MSI2: variants seen among roughly 807,000 people sequenced by gnomAD.
MSI2 encodes the protein musashi RNA binding protein 2.
MSI2 carries 17 observed loss-of-function variants against 45.6 expected under a neutral mutation model. The ratio of observed to expected loss-of-function variants is 0.37; its 90% CI spans 0.26 to 0.56. The LOEUF (loss-of-function observed/expected upper bound fraction) is 0.56, where lower values mean the gene tolerates loss of function less well. MSI2 is among the 20% of genes least tolerant of loss of function. The probability of loss-of-function intolerance (pLI) is 0.77; values close to 1 mark genes in which losing one functional copy is unlikely to be tolerated. For missense variants in MSI2, 293 were observed against 444.2 expected, an observed-to-expected ratio of 0.66 and a Z score of 3.06; for synonymous variants, 156 against 158.2, an observed-to-expected ratio of 0.99 and a Z score of 0.11.
chr17:57,497,343 C>A (rs569033084), intron 6 of MSI2, among the ~76,000 whole-genome samples: 12 of 152,254 alleles, frequency 7.9e-5, no homozygotes, highest in African/African-American at 2.6e-4. Context: ...TGCACTGGTG[C>A]TTTTTGAAAA....
intron 6 of MSI2, among the ~76,000 whole-genome samples, chr17:57,439,548 A>G (rs1158017823): frequency 1.3e-5 from 2 of 149,906 alleles, no homozygotes; most frequent in African/African-American, 2.5e-5. Context: ...CACTGGGGAG[A>G]TAGGCTTTGT....
chr17:57,337,496 G>A (rs941239654), intron 5 of MSI2, among the ~76,000 whole-genome samples: 4 of 152,100 alleles, frequency 2.6e-5, no homozygotes, highest in Admixed American at 1.3e-4. Flanking sequence ...CTCAGAGGCT[G>A]GGCTCTCTCC....
At chr17:57,472,949 A>G (rs2085467821) in intron 6 of MSI2, among the ~76,000 whole-genome samples, 1 of 151,472 alleles carries the variant, frequency 6.6e-6, no homozygotes, top group Non-Finnish European at 1.5e-5. Context: ...CTGGAGTGCA[A>G]TGGTGTCATC....
intron 6 of MSI2, among the ~76,000 whole-genome samples, chr17:57,428,777 T>C (rs1426286156): frequency 6.6e-6 from 1 of 152,230 alleles, no homozygotes; most frequent in African/African-American, 2.4e-5. Context: ...AGCACAATTA[T>C]GAGGTCTCCT....
At chr17:57,314,137 A>G (rs1209206816) in intron 5 of MSI2, among the ~76,000 whole-genome samples, 2 of 152,128 alleles carry the variant, frequency 1.3e-5, no homozygotes, top group African/African-American at 4.8e-5. Flanking sequence ...CCCAGTGCCC[A>G]TATGCCATCC....
chr17:57,603,812 A>C (rs1906199100), intron 8 of MSI2, among the ~76,000 whole-genome samples: 1 of 152,360 alleles, frequency 6.6e-6, no homozygotes, highest in Non-Finnish European at 1.5e-5. Flanking sequence ...TGACTCCTGG[A>C]CTAAACTAAT....
chr17:57,453,439 C>A (rs1326271865), intron 6 of MSI2, among the ~76,000 whole-genome samples: 1 of 152,144 alleles, frequency 6.6e-6, no homozygotes, highest in South Asian at 2.1e-4. Flanking sequence ...GGCCTTATAA[C>A]CTGATGATTT....
At position 57,680,775 on chromosome 17, in the gene MSI2, G is replaced by GGGGGGGGGGGGGGGGGGGGGGCC. The variant is rs1913550214; in HGVS notation, c.*1258_*1259insGGGGGGGGGGGGGGGGGGGGGCC. The GGGGGGGGGGGGGGGGGGGGGGCC allele has an allele frequency of 6.5e-6, 1 of 152,792 alleles. No individual in the cohort carries two copies. The allele number at this position is 152,792 out of a possible 1,614,324, so 9.5% of individuals were successfully genotyped here. A position where few individuals can be genotyped will look rare whatever the true frequency, so the allele number is the denominator to read the frequency against. Reference sequence around the variant, plus strand: ...GCTTGGGTGGGGGTGGGGTGGGGGGGACATTCTTTTTCAGTCTTAATTTTT... The same window carrying GGGGGGGGGGGGGGGGGGGGGGCC: ...GCTTGGGTGGGGGTGGGGTGGGGGGGGGGGGGGGGGGGGGGGGGGGGCCACATTCTTTTTCAGTCTTAATTTTT... On this transcript the variant is annotated 3_prime_UTR_variant, in exon 14 of 14. Transcript: ENST00000284073.
chr17:57,288,230 G>A (rs573976493), intron 5 of MSI2, among the ~76,000 whole-genome samples: 5 of 152,322 alleles, frequency 3.3e-5, no homozygotes, highest in African/African-American at 7.2e-5. Context: ...TGTAGAGCAC[G>A]TAGCACAATT....
At chr17:57,695,908 C>T in the MSI2 span, among the ~76,000 whole-genome samples, 2 of 152,084 alleles carry the variant, frequency 1.3e-5, no homozygotes, top group Non-Finnish European at 2.9e-5. Context: ...CCTCACTGTG[C>T]GTGTGTGTGG....
chr17:57,332,100 ATTTT>A (rs138835359), intron 5 of MSI2, among the ~76,000 whole-genome samples: 1 of 136,422 alleles, frequency 7.3e-6, no homozygotes, highest in Non-Finnish European at 1.6e-5. Flanking sequence ...TCATGTTGCC[ATTTT>A]TTTTTTTTTT....
At chr17:57,584,231 C>G (rs1320362626) in intron 7 of MSI2, among the ~76,000 whole-genome samples, 1 of 152,224 alleles carries the variant, frequency 6.6e-6, no homozygotes, top group Non-Finnish European at 1.5e-5. Flanking sequence ...AATCCAGCTG[C>G]CTGGGCTGCT....
At chr17:57,457,827 T>C (rs1489571054) in intron 6 of MSI2, among the ~76,000 whole-genome samples, 1 of 152,190 alleles carries the variant, frequency 6.6e-6, no homozygotes, top group Non-Finnish European at 1.5e-5. Context: ...GAGGATCACT[T>C]GAGTCCAGGA....
At chr17:57,696,566 C>T in the MSI2 span, among the ~76,000 whole-genome samples, 1 of 152,022 alleles carries the variant, frequency 6.6e-6, no homozygotes, top group African/African-American at 2.4e-5. Context: ...AGACCCCTAT[C>T]TCTACAAAAA....
rs149903208 is a variant in MSI2 at position 57,417,723 on chromosome 17, A to G, written c.405+16252A>G. On this transcript the variant is annotated intron_variant, in intron 6 of 13. Coordinates refer to ENST00000284073, the MANE Select transcript of MSI2 (RefSeq NM_138962.4). Reference sequence around the variant, plus strand: ...TGATTAACCTGGGATCTGCTCATGAAGGGATTTGGCCGCCCAAGGAAATGG... The same window carrying G: ...TGATTAACCTGGGATCTGCTCATGAGGGGATTTGGCCGCCCAAGGAAATGG... 3.0e-3 allele frequency among the ~76,000 whole-genome samples: 462 copies of G among 152,290 alleles called. 1 individual carries two copies. Among genetic ancestry groups the G allele is most frequent in the African/African-American group, 0.011 (444 of 41,544 alleles).
chr17:57,403,736 G>T (rs1046095947), intron 6 of MSI2, among the ~76,000 whole-genome samples: 1 of 152,088 alleles, frequency 6.6e-6, no homozygotes, highest in Non-Finnish European at 1.5e-5. Flanking sequence ...CCTTGGGCAG[G>T]ACTCACCACC....
At chr17:57,697,664 A>T in the MSI2 span, among the ~76,000 whole-genome samples, 2 of 152,196 alleles carry the variant, frequency 1.3e-5, no homozygotes, top group South Asian at 2.1e-4. Flanking sequence ...GAGGCCTCAC[A>T]ATCATGGTAG....
chr17:57,359,498 G>A (rs1916678227), intron 5 of MSI2, among the ~76,000 whole-genome samples: 2 of 152,170 alleles, frequency 1.3e-5, no homozygotes, highest in South Asian at 4.1e-4. Context: ...TAAAATGGAT[G>A]TCCCAGTACT....
chr17:57,517,450 CT>C (rs1750315649), intron 6 of MSI2, among the ~76,000 whole-genome samples: 2 of 152,332 alleles, frequency 1.3e-5, no homozygotes, highest in South Asian at 4.1e-4. Flanking sequence ...AGTGCTACTG[CT>C]GCTGAATTCA....
Sources: gnomAD v4.1 joint callset for allele counts (sites outside exome capture counted in the v4.1 genomes callset) on GRCh38, gnomAD v4.1.1 for gene constraint, MANE v1.5 for transcripts, NCBI Gene and HGNC (gene_info 2026-07-23, HGNC 2026-07-21) for gene names.